ELAVL2: variants seen among roughly 807,000 people sequenced by gnomAD.
ELAVL2 encodes ELAV-like protein 2.
Under a neutral mutation model 34.6 loss-of-function variants are expected in ELAVL2, and 4 were observed. That is an observed-to-expected ratio of 0.12 (90% CI 0.06 to 0.26). The LOEUF (loss-of-function observed/expected upper bound fraction) is 0.26. ELAVL2 is among the 10% of genes least tolerant of loss of function. The probability of loss-of-function intolerance (pLI) is 1.00; values close to 1 mark genes in which losing one functional copy is unlikely to be tolerated. For synonymous variants in ELAVL2, 193 were observed against 154.8 expected (o/e 1.25, Z -1.83); for missense variants, 432 against 442.8 (o/e 0.98, Z 0.22).
chr9:23,753,637 C>A (rs1042714118), intron 2 of ELAVL2, among the ~76,000 whole-genome samples: 1 of 152,034 alleles, frequency 6.6e-6, no homozygotes. Context: ...TGTTTTTTAT[C>A]TTCTAACTGA....
chr9:23,842,682 G>C, the ELAVL2 span, among the ~76,000 whole-genome samples: 88 of 152,084 alleles, frequency 5.8e-4, no homozygotes, highest in East Asian at 0.015. Context: ...CAAACAAAAA[G>C]AATATTTCAG....
intron 4 of ELAVL2, among the ~76,000 whole-genome samples, chr9:23,702,671 G>C (rs1453277392): frequency 6.6e-6 from 1 of 151,466 alleles, no homozygotes; most frequent in Admixed American, 6.6e-5. Flanking sequence ...TGTAGACAAA[G>C]CATTTTTTCC....
At chr9:23,693,025 T>C in intron 6 of ELAVL2, 141 bp from the exon 7 acceptor site, 1 of 795,344 alleles carries the variant, frequency 1.3e-6, no homozygotes, top group Non-Finnish European at 1.9e-6. Flanking sequence ...CTATTTCATG[T>C]TTTGACCAAG....
chr9:23,773,459 A>G (rs2057666367), intron 1 of ELAVL2, among the ~76,000 whole-genome samples: 1 of 152,328 alleles, frequency 6.6e-6, no homozygotes, highest in South Asian at 2.1e-4. Context: ...TCATTCAAGT[A>G]AAGCACATTT....
the ELAVL2 span, among the ~76,000 whole-genome samples, chr9:23,831,802 TA>T: frequency 0.22 from 32,266 of 146,194 alleles, 3,887 homozygotes; most frequent in Non-Finnish European, 0.27. Flanking sequence ...GAATATTGTT[TA>T]AAAAAAAAAA....
intron 3 of ELAVL2, among the ~76,000 whole-genome samples, chr9:23,709,409 A>G (rs935781279): frequency 1.3e-4 from 20 of 152,156 alleles, no homozygotes; most frequent in African/African-American, 4.6e-4. Flanking sequence ...TTACCAAACT[A>G]AATTTTGTAT....
intron 1 of ELAVL2, among the ~76,000 whole-genome samples, chr9:23,776,552 G>A (rs1335326012): frequency 6.6e-6 from 1 of 152,030 alleles, no homozygotes; most frequent in Non-Finnish European, 1.5e-5. Flanking sequence ...CAAGCGCTGT[G>A]CTCAGATGCT....
intron 1 of ELAVL2, among the ~76,000 whole-genome samples, chr9:23,808,644 A>G (rs2137975073): frequency 6.6e-6 from 1 of 152,322 alleles, no homozygotes; most frequent in South Asian, 2.1e-4. Flanking sequence ...AAAGTTTTAA[A>G]GTGGCTACTA....
chr9:23,693,617 G>C (rs1408637196), intron 5 of ELAVL2, 131 bp from the exon 6 acceptor site: 3 of 1,136,338 alleles, frequency 2.6e-6, no homozygotes, highest in Non-Finnish European at 3.9e-6. Context: ...TCAGAATGCT[G>C]GGTCTTTTTA....
At chr9:23,840,076 C>G in the ELAVL2 span, among the ~76,000 whole-genome samples, 2 of 152,180 alleles carry the variant, frequency 1.3e-5, no homozygotes, top group Admixed American at 1.3e-4. Flanking sequence ...CTGGTTCTGC[C>G]TCTCCTGTGT....
At chr9:23,716,179 G>T (rs1052350284) in intron 3 of ELAVL2, among the ~76,000 whole-genome samples, 1 of 139,368 alleles carries the variant, frequency 7.2e-6, no homozygotes, top group Non-Finnish European at 1.6e-5. Context: ...GTTGGGGGAG[G>T]GGGGAGGGAT....
chr9:23,790,404 T>C (rs990778339), intron 1 of ELAVL2, among the ~76,000 whole-genome samples: 11 of 152,152 alleles, frequency 7.2e-5, no homozygotes, highest in African/African-American at 1.9e-4. Context: ...AGCCAAAATA[T>C]ATTTTCTGCT....
At chr9:23,809,544 TTCTAGTAAGATTA>T (rs1314542444) in intron 1 of ELAVL2, among the ~76,000 whole-genome samples, 5 of 152,168 alleles carry the variant, frequency 3.3e-5, no homozygotes, top group Non-Finnish European at 7.4e-5. Context: ...GAGATTGAAA[TTCTAGTAAGATTA>T]CCTATCATTC....
At position 23,723,897 on chromosome 9, in the gene ELAVL2, C is replaced by G. The variant is rs58619180; in HGVS notation, c.333+7125G>C. On this transcript the variant is annotated intron_variant, in intron 3 of 6. Transcript: ENST00000397312. Reference sequence around the variant, plus strand: ...TTCCACACGTGCACACACACACAGACAGCAACAATTTCCTAAACCTATACA... The same window carrying G: ...TTCCACACGTGCACACACACACAGAGAGCAACAATTTCCTAAACCTATACA... Among the ~76,000 whole-genome samples the G allele has an allele frequency of 6.6e-5, 10 of 152,210 alleles. No individual in the cohort carries two copies. The East Asian group carries it at 1.9e-3, about 29-fold the overall frequency.
chr9:23,733,763 A>T (rs1001843544), intron 2 of ELAVL2, among the ~76,000 whole-genome samples: 2 of 152,176 alleles, frequency 1.3e-5, no homozygotes, highest in Non-Finnish European at 2.9e-5. Context: ...GTAGGCATGG[A>T]AACATTTGCT....
chr9:23,819,426 G>A (rs2064206070), intron 1 of ELAVL2, among the ~76,000 whole-genome samples: 1 of 152,154 alleles, frequency 6.6e-6, no homozygotes, highest in African/African-American at 2.4e-5. Flanking sequence ...TTTTGACACT[G>A]AGTGTCAAAA....
At chr9:23,714,289 G>A (rs10811961) in intron 3 of ELAVL2, among the ~76,000 whole-genome samples, 73,719 of 152,016 alleles carry the variant, frequency 0.48, 18,733 homozygotes, top group African/African-American at 0.63. Context: ...AGGAGGAGAC[G>A]TGGCACAAGA....
At chr9:23,759,789 T>TATATATATATATATAA (rs1351880472) in intron 2 of ELAVL2, among the ~76,000 whole-genome samples, 6 of 106,406 alleles carry the variant, frequency 5.6e-5, no homozygotes, top group African/African-American at 1.8e-4. Flanking sequence ...TATATATATA[T>TATATATATATATATAA]AATGTATAGA....
intron 2 of ELAVL2, among the ~76,000 whole-genome samples, chr9:23,755,117 T>C (rs1037493852): frequency 4.6e-5 from 7 of 152,172 alleles, no homozygotes; most frequent in African/African-American, 1.7e-4. Flanking sequence ...TTTAGTTTTA[T>C]AATACTTTTC....
Sources: gnomAD v4.1 joint callset for allele counts (sites outside exome capture counted in the v4.1 genomes callset) on GRCh38, gnomAD v4.1.1 for gene constraint, MANE v1.5 for transcripts, NCBI Gene and HGNC (gene_info 2026-07-23, HGNC 2026-07-21) for gene names.